The following RBMS3 variants were observed in gnomAD, a reference collection of about 807,000 sequenced individuals.
The protein encoded by RBMS3 is RNA binding motif single stranded interacting protein 3.
RBMS3 carries 27 observed loss-of-function variants against 66.8 expected under a neutral mutation model. The observed-to-expected ratio is 0.40, with a 90% CI of 0.30 to 0.56. RBMS3 has a LOEUF of 0.56. Ranked by LOEUF, RBMS3 falls within the 20% of genes least tolerant of loss-of-function variation. The pLI is 0.40. For missense variants in RBMS3, 513 were observed against 549.5 expected (o/e 0.93, Z 0.66); for synonymous variants, 188 against 183.0 (o/e 1.03, Z -0.22).
Position 29,822,836 on chromosome 3 carries a change from C to CT in RBMS3, c.638-46018dup, listed in dbSNP as rs1238951380. Among the ~76,000 whole-genome samples, 5 of 152,070 alleles carry CT rather than the reference C, an allele frequency of 3.3e-5. No homozygotes were observed. The East Asian group carries it at 9.6e-4, about 29-fold the overall frequency. ...GGCTGCCATATTACATTTGAGGTATCTTTTCTGGTGGAAGGTGGTAGGGTT... is the reference window on the plus strand; with the variant it reads ...GGCTGCCATATTACATTTGAGGTATCTTTTTCTGGTGGAAGGTGGTAGGGTT... On this transcript the variant is annotated intron_variant, in intron 6 of 14. Transcript: ENST00000383767.
intron 1 of RBMS3, among the ~76,000 whole-genome samples, chr3:29,320,445 T>C (rs1459908349): frequency 2.6e-5 from 4 of 152,080 alleles, no homozygotes; most frequent in Non-Finnish European, 5.9e-5. Context: ...GAATAAAAGC[T>C]GGATCATCTT....
intron 1 of RBMS3, among the ~76,000 whole-genome samples, chr3:29,392,817 A>C (rs900921296): frequency 6.6e-6 from 1 of 151,856 alleles, no homozygotes; most frequent in Non-Finnish European, 1.5e-5. Context: ...ATCCACTGCT[A>C]TGTTGGGTCA....
At chr3:29,618,583 C>T (rs1011309776) in intron 4 of RBMS3, among the ~76,000 whole-genome samples, 13 of 151,694 alleles carry the variant, frequency 8.6e-5, no homozygotes, top group African/African-American at 3.1e-4. Context: ...CAGTGTGGTC[C>T]TTTGTGGGTG....
At chr3:29,874,913 A>G (rs556429877) in intron 7 of RBMS3, among the ~76,000 whole-genome samples, 1 of 152,278 alleles carries the variant, frequency 6.6e-6, no homozygotes, top group Non-Finnish European at 1.5e-5. Flanking sequence ...GATTAATGTA[A>G]TTGGTGATGA....
chr3:29,347,108 G>A (rs957442652), intron 1 of RBMS3, among the ~76,000 whole-genome samples: 1 of 152,120 alleles, frequency 6.6e-6, no homozygotes, highest in African/African-American at 2.4e-5. Context: ...GTGACCAAAA[G>A]GAAATATGAA....
intron 12 of RBMS3, among the ~76,000 whole-genome samples, chr3:29,971,152 C>T (rs1293623153): frequency 1.3e-5 from 2 of 152,140 alleles, no homozygotes; most frequent in African/African-American, 4.8e-5. Flanking sequence ...TTTATAACTG[C>T]CTCCTCTCTT....
rs554585720 is a variant in RBMS3, at chr3:29,942,355, T to TA, written c.1051-1844dup. The stretch of plus-strand genomic sequence containing the variant: ...ATAACATAACAAGACCCCATCACAA[T>TA]AAAAAAAATTGAAAATTAGCTAGGC... On this transcript the variant is annotated intron_variant, in intron 11 of 14. Transcript: ENST00000383767. Among the ~76,000 whole-genome samples the TA allele has an allele frequency of 2.9e-3, 437 of 151,244 alleles. 6 individuals carry two copies. The highest frequency in any genetic ancestry group is 8.3e-3 in the African/African-American group (342 of 41,326).
intron 12 of RBMS3, among the ~76,000 whole-genome samples, chr3:29,974,898 C>G (rs529740145): frequency 7.3e-6 from 1 of 137,634 alleles, no homozygotes. Flanking sequence ...AAATACGTTT[C>G]TATATTTATA....
intron 12 of RBMS3, among the ~76,000 whole-genome samples, chr3:29,962,633 A>G (rs1696559669): frequency 6.6e-6 from 1 of 151,024 alleles, no homozygotes. Context: ...TTAGGGCAGT[A>G]ACTAAATTGG....
At chr3:29,810,704 C>T (rs939007835) in intron 6 of RBMS3, among the ~76,000 whole-genome samples, 1 of 152,112 alleles carries the variant, frequency 6.6e-6, no homozygotes, top group Non-Finnish European at 1.5e-5. Context: ...TGTTTCCATA[C>T]ATTTTTATTC....
At chr3:29,762,221 A>G (rs946478201) in intron 5 of RBMS3, among the ~76,000 whole-genome samples, 1 of 152,164 alleles carries the variant, frequency 6.6e-6, no homozygotes, top group Non-Finnish European at 1.5e-5. Context: ...TTGAGAAAGC[A>G]TAGAACCTAA....
intron 4 of RBMS3, among the ~76,000 whole-genome samples, chr3:29,646,575 A>G (rs534584438): frequency 6.6e-6 from 1 of 152,010 alleles, no homozygotes; most frequent in Non-Finnish European, 1.5e-5. Flanking sequence ...GTATGTCTAC[A>G]TTTAAATACT....
intron 10 of RBMS3, among the ~76,000 whole-genome samples, chr3:29,934,910 A>G (rs941634229): frequency 2.0e-5 from 3 of 152,110 alleles, no homozygotes; most frequent in Non-Finnish European, 4.4e-5. Flanking sequence ...GAGCAAAAGC[A>G]TTTTAGGAAA....
chr3:29,511,792 G>A (rs115066232), intron 3 of RBMS3, among the ~76,000 whole-genome samples: 142 of 151,840 alleles, frequency 9.4e-4, no homozygotes, highest in African/African-American at 3.0e-3. Flanking sequence ...TAAAGTTGAA[G>A]GATCCAATTG....
intron 12 of RBMS3, among the ~76,000 whole-genome samples, chr3:29,977,860 T>C (rs747517179): frequency 2.6e-5 from 4 of 152,032 alleles, no homozygotes; most frequent in Non-Finnish European, 5.9e-5. Context: ...AAACTTGTGT[T>C]CATGAAATAA....
intron 1 of RBMS3, among the ~76,000 whole-genome samples, chr3:29,368,619 T>A (rs995984833): frequency 6.6e-6 from 1 of 152,046 alleles, no homozygotes; most frequent in Non-Finnish European, 1.5e-5. Context: ...AAATGAGATT[T>A]TTTTAGATTT....
At chr3:29,953,261 C>T (rs907025670) in intron 12 of RBMS3, among the ~76,000 whole-genome samples, 2 of 151,756 alleles carry the variant, frequency 1.3e-5, no homozygotes, top group Non-Finnish European at 2.9e-5. Context: ...AAGAAGGGCT[C>T]GAGCTGTCAT....
At chr3:29,781,917 C>T (rs909335613) in intron 6 of RBMS3, among the ~76,000 whole-genome samples, 19 of 151,942 alleles carry the variant, frequency 1.3e-4, no homozygotes, top group Admixed American at 1.2e-3. Flanking sequence ...AGCCACAATC[C>T]CCCCGGGAAT....
chr3:29,375,056 C>A (rs2038397921), intron 1 of RBMS3, among the ~76,000 whole-genome samples: 1 of 152,154 alleles, frequency 6.6e-6, no homozygotes, highest in Non-Finnish European at 1.5e-5. Flanking sequence ...ACTGAGTCTG[C>A]ACACCTACAA....
Sources: allele counts gnomAD v4.1 joint callset (sites outside exome capture counted in the v4.1 genomes callset), GRCh38; gene constraint gnomAD v4.1.1; transcripts MANE v1.5; gene names NCBI Gene and HGNC (gene_info 2026-07-23, HGNC 2026-07-21).